Variants in FILIP1L observed in about 807,000 individuals in gnomAD.
The protein encoded by FILIP1L is filamin A interacting protein 1 like.
FILIP1L carries 55 observed loss-of-function variants against 96.6 expected under a neutral mutation model. The observed-to-expected ratio is 0.57, with a 90% CI of 0.46 to 0.71. The LOEUF is 0.71. Ranked by LOEUF, FILIP1L falls within the 30% of genes least tolerant of loss-of-function variation. The pLI is 0.00. For missense variants in FILIP1L, 1,304 were observed against 1,321.2 expected (o/e 0.99, Z 0.20); for synonymous variants, 467 against 473.9 (o/e 0.99, Z 0.19).
chr3:99,959,543 A>G (rs966516355), intron 1 of FILIP1L, among the ~76,000 whole-genome samples: 11 of 152,244 alleles, frequency 7.2e-5, no homozygotes, highest in African/African-American at 2.4e-4. Flanking sequence ...CTAATTCATT[A>G]CATGGGTTGT....
At chr3:99,860,412 C>T (rs150515856) in intron 4 of FILIP1L, among the ~76,000 whole-genome samples, 1 of 152,080 alleles carries the variant, frequency 6.6e-6, no homozygotes, top group Non-Finnish European at 1.5e-5. Context: ...TTCTAAAAAG[C>T]GGTACTGAAA....
intron 1 of FILIP1L, among the ~76,000 whole-genome samples, chr3:100,106,288 A>C (rs2066394089): frequency 6.6e-6 from 1 of 152,128 alleles, no homozygotes; most frequent in Non-Finnish European, 1.5e-5. Context: ...CTTGCAGATG[A>C]TAATGTCAGA....
intron 1 of FILIP1L, among the ~76,000 whole-genome samples, chr3:100,048,964 C>T (rs897508892): frequency 6.6e-6 from 1 of 152,162 alleles, no homozygotes; most frequent in African/African-American, 2.4e-5. Flanking sequence ...TTACCACACA[C>T]ACAATTGTCT....
intron 1 of FILIP1L, among the ~76,000 whole-genome samples, chr3:100,084,166 T>C (rs1368763967): frequency 6.6e-6 from 1 of 152,192 alleles, no homozygotes; most frequent in East Asian, 1.9e-4. Context: ...AGATTATGCA[T>C]TTGTGCCCCA....
Position 99,924,274 on chromosome 3 carries a change from C to T in FILIP1L, c.561G>A (p.Glu187=), listed in dbSNP as rs758143462. The part of the protein sequence containing the change: ...EEKRKHKEYM[E]KSDEFICLLE... ...GTAGGCATATGAATTCATCACTCTT[C>T]TCCATGTATTCTTTATGTTTTCTCT... The change falls in exon 4 of 6, where the codon GAG becomes GAA. Residue 187 remains glutamate, a synonymous_variant. Transcript: ENST00000477258. 1.2e-6 allele frequency: 2 copies of T among 1,613,972 alleles called. No homozygotes were observed. The highest frequency in any genetic ancestry group is 1.7e-6 in the Non-Finnish European group (2 of 1,179,998).
intron 1 of FILIP1L, among the ~76,000 whole-genome samples, chr3:99,988,978 A>G (rs1435800732): frequency 1.3e-5 from 2 of 152,332 alleles, no homozygotes; most frequent in South Asian, 2.1e-4. Context: ...GACTGTGTCT[A>G]TACCTTTAGA....
chr3:100,108,239 G>T (rs760016125), intron 1 of FILIP1L, among the ~76,000 whole-genome samples: 1 of 152,216 alleles, frequency 6.6e-6, no homozygotes, highest in Non-Finnish European at 1.5e-5. Context: ...GCATTTTTCA[G>T]CCTTTCAGAA....
At chr3:100,091,048 G>A (rs1352613516) in intron 1 of FILIP1L, among the ~76,000 whole-genome samples, 6 of 152,160 alleles carry the variant, frequency 3.9e-5, no homozygotes, top group African/African-American at 1.4e-4. Context: ...AACTTTGGGA[G>A]GCCGAGGTGG....
At chr3:99,982,192 T>C (rs1408279386) in intron 1 of FILIP1L, among the ~76,000 whole-genome samples, 1 of 152,226 alleles carries the variant, frequency 6.6e-6, no homozygotes, top group Non-Finnish European at 1.5e-5. Context: ...GTTTTTTTAA[T>C]AGTATTGTCT....
chr3:99,919,699 G>A (rs1707063685), intron 4 of FILIP1L, among the ~76,000 whole-genome samples: 1 of 152,040 alleles, frequency 6.6e-6, no homozygotes, highest in African/African-American at 2.4e-5. Flanking sequence ...TAGTCACCTT[G>A]TCTGATGCAG....
At position 100,112,255 on chromosome 3, in the gene FILIP1L, G is replaced by T. The variant is rs1356016585; in HGVS notation, c.-11+1798C>A. ...AGAAAGGTGAAGCGGGTATTACATT[G>T]GTAATGAAAATTTTGCTTTAGGTTA... On this transcript the variant is annotated intron_variant, in intron 1 of 5. Transcript: ENST00000477258. Among the ~76,000 whole-genome samples the T allele has an allele frequency of 2.0e-5, 3 of 152,056 alleles. 1 individual carries two copies. The highest frequency in any genetic ancestry group is 1.3e-4 in the Admixed American group (2 of 15,252).
intron 1 of FILIP1L, among the ~76,000 whole-genome samples, chr3:99,965,166 C>T (rs981011673): frequency 4.6e-5 from 7 of 152,210 alleles, no homozygotes; most frequent in Non-Finnish European, 8.8e-5. Flanking sequence ...AAGCATATCA[C>T]TTAGTCCCCA....
intron 1 of FILIP1L, among the ~76,000 whole-genome samples, chr3:100,071,545 A>G (rs1440828602): frequency 1.3e-5 from 2 of 152,144 alleles, no homozygotes; most frequent in Admixed American, 1.3e-4. Flanking sequence ...AGAATAGCCC[A>G]AGGGTGTGGG....
chr3:99,971,271 C>T (rs145240490), intron 1 of FILIP1L, among the ~76,000 whole-genome samples: 68 of 147,792 alleles, frequency 4.6e-4, no homozygotes, highest in African/African-American at 1.5e-3. Flanking sequence ...ACCCGGGGCG[C>T]GGAGCTTGCA....
At chr3:100,078,104 G>A (rs912698473) in intron 1 of FILIP1L, among the ~76,000 whole-genome samples, 3 of 151,512 alleles carry the variant, frequency 2.0e-5, no homozygotes, top group Admixed American at 2.0e-4. Context: ...AATATATGCT[G>A]GTTTGATAAA....
chr3:99,959,832 A>G (rs934379850), intron 1 of FILIP1L, among the ~76,000 whole-genome samples: 1 of 152,182 alleles, frequency 6.6e-6, no homozygotes. Context: ...ATTACCCAAC[A>G]GTAAGATTAT....
At chr3:100,111,085 A>G (rs1370105196) in intron 1 of FILIP1L, among the ~76,000 whole-genome samples, 2 of 152,130 alleles carry the variant, frequency 1.3e-5, no homozygotes, top group Non-Finnish European at 2.9e-5. Context: ...CTACTTCATC[A>G]TTCCACCCAA....
intron 4 of FILIP1L, among the ~76,000 whole-genome samples, chr3:99,902,087 A>G (rs1706455261): frequency 6.6e-6 from 1 of 152,182 alleles, no homozygotes; most frequent in East Asian, 1.9e-4. Context: ...AAATATTTAA[A>G]TGATTGGCTT....
At chr3:99,907,086 A>G (rs1220831959) in intron 4 of FILIP1L, among the ~76,000 whole-genome samples, 1 of 152,190 alleles carries the variant, frequency 6.6e-6, no homozygotes, top group Non-Finnish European at 1.5e-5. Flanking sequence ...TCTTACTGTT[A>G]TTTAGACTTC....
Sources: gnomAD v4.1 joint callset for allele counts (sites outside exome capture counted in the v4.1 genomes callset) on GRCh38, gnomAD v4.1.1 for gene constraint, MANE v1.5 for transcripts, NCBI Gene and HGNC (gene_info 2026-07-23, HGNC 2026-07-21) for gene names.